Variants in FHIP2B observed in about 807,000 individuals in gnomAD.
FHIP2B encodes FHF complex subunit HOOK-interacting protein 2B.
Under a neutral mutation model 84.0 loss-of-function variants are expected in FHIP2B, and 72 were observed. That is an observed-to-expected ratio of 0.86 (90% CI 0.71 to 1.04). The LOEUF (loss-of-function observed/expected upper bound fraction) is 1.04. FHIP2B is among the 50% of genes least tolerant of loss of function. The probability of loss-of-function intolerance (pLI) is 0.00; values close to 1 mark genes in which losing one functional copy is unlikely to be tolerated. For missense variants in FHIP2B, 972 were observed against 968.9 expected, an observed-to-expected ratio of 1.00 and a Z score of -0.04; for synonymous variants, 497 against 418.7, an observed-to-expected ratio of 1.19 and a Z score of -2.28.
At position 22,089,219 on chromosome 8, in the gene FHIP2B, C is replaced by G. The variant is rs1040004723; in HGVS notation, c.-35C>G. 1 of 1,058,624 alleles carries G rather than the reference C, an allele frequency of 9.4e-7. No individual in the cohort carries two copies. Among genetic ancestry groups the G allele is most frequent in the Non-Finnish European group, 1.1e-6 (1 of 878,152 alleles). The allele number at this position is 1,058,624 out of a possible 1,614,324, so 65.6% of individuals were successfully genotyped here. A position where few individuals can be genotyped will look rare whatever the true frequency, so the allele number is the denominator to read the frequency against. On this transcript the variant is annotated 5_prime_UTR_variant, in exon 1 of 17. Transcript: ENST00000289921. ...CCTCCGCCTAGAGCGCTGCCGCCGC[C>G]GCTTTCGCCCGGGAGCCGGGGGCCG...
intron 14 of FHIP2B, 51 bp downstream of exon 14, chr8:22,101,902 C>T: frequency 1.3e-6 from 2 of 1,591,844 alleles, no homozygotes; most frequent in Non-Finnish European, 1.7e-6. Context: ...CCTCTGGGGT[C>T]CTTCAAGAGC....
At chr8:22,090,879 A>T (rs1399227515) in intron 1 of FHIP2B, among the ~76,000 whole-genome samples, 4 of 152,082 alleles carry the variant, frequency 2.6e-5, no homozygotes, top group Non-Finnish European at 5.9e-5. Context: ...TAGCCTCCCA[A>T]AGTGGTGGGA....
At position 22,104,425 on chromosome 8, in the gene FHIP2B, G is replaced by A. The variant is rs1270270983; in HGVS notation, c.*1494G>A. ...GCCAAGTTTCCCCACCTTCTGCCCA[G>A]GACTCCACTGCTAATTCGGGCCCAT... On this transcript the variant is annotated 3_prime_UTR_variant, in exon 17 of 17. Transcript: ENST00000289921. 2.6e-5 allele frequency: 4 copies of A among 152,524 alleles called. No homozygotes were observed. Among genetic ancestry groups the A allele is most frequent in the Non-Finnish European group, 5.9e-5 (4 of 68,042 alleles). The allele number at this position is 152,524 out of a possible 1,614,324, so 9.4% of individuals were successfully genotyped here.
At position 22,099,841 on chromosome 8, in the gene FHIP2B, C is replaced by G. The variant is rs775285326; in HGVS notation, c.1289C>G (p.Pro430Arg). The change falls in exon 10 of 17, where the codon CCC (proline) becomes CGC (arginine). Residue 430 changes from proline (P) to arginine (R), a missense_variant. Physicochemically the swap from Pro to Arg is moderately radical, Grantham distance 103. Coordinates refer to ENST00000289921, the MANE Select transcript of FHIP2B (RefSeq NM_022749.7). ...DRQPEAPGDN[P>R]HTLYAHLIGH... ...CAGCCTGAAGCCCCCGGGGACAACC[C>G]CCACACCCTGTATGCTCATCTCATC... The G allele has an allele frequency of 6.2e-7, 1 of 1,613,270 alleles. No homozygotes were observed.
Position 22,101,870 on chromosome 8 carries a change from C to T in FHIP2B, c.1851+19C>T. Reference sequence around the variant, plus strand: ...GGATCAGGTAGCTAGTGGGCCTGGGCCAGGAGAACTCCAGGCTGGTGCCTC... The same window carrying T: ...GGATCAGGTAGCTAGTGGGCCTGGGTCAGGAGAACTCCAGGCTGGTGCCTC... On this transcript the variant is annotated intron_variant, in intron 14 of 16. Transcript: ENST00000289921. 6 of 1,611,386 alleles carry T rather than the reference C, an allele frequency of 3.7e-6. No homozygotes were observed. Among genetic ancestry groups the T allele is most frequent in the Non-Finnish European group, 4.2e-6 (5 of 1,179,000 alleles).
At chr8:22,100,811 C>T (rs1826065280) in intron 11 of FHIP2B, 33 bp from the exon 12 acceptor site, 1 of 1,613,492 alleles carries the variant, frequency 6.2e-7, no homozygotes, top group Middle Eastern at 1.7e-4. Context: ...TCCATTCATT[C>T]ACTGGTGCCG....
At chr8:22,099,172 C>A in intron 8 of FHIP2B, 112 bp from the exon 9 acceptor site, 1 of 1,514,840 alleles carries the variant, frequency 6.6e-7, no homozygotes, top group Non-Finnish European at 9.0e-7. Context: ...AAGCGGGGCC[C>A]CAGGCGGGCC....
chr8:22,090,132 GTGGGGGTATTCCCGGTAGGGT>G (rs1185462516), intron 1 of FHIP2B, among the ~76,000 whole-genome samples: 1 of 137,088 alleles, frequency 7.3e-6, no homozygotes, highest in African/African-American at 2.7e-5. Flanking sequence ...TGTAGGAAGG[GTGGGGGTATTCCCGGTAGGGT>G]GGGGGGGGTG....
intron 2 of FHIP2B, 153 bp downstream of exon 2, chr8:22,094,671 A>G: frequency 6.7e-7 from 1 of 1,484,480 alleles, no homozygotes; most frequent in Non-Finnish European, 8.9e-7. Flanking sequence ...CCAGACAGAC[A>G]GAAGACCCAG....
At chr8:22,100,068 T>G in intron 10 of FHIP2B, 175 bp downstream of exon 10, 1 of 561,678 alleles carries the variant, frequency 1.8e-6, no homozygotes, top group Non-Finnish European at 2.8e-6. Context: ...CATATACTTT[T>G]TTTTTTTTTT....
rs770829991 is a variant in FHIP2B at position 22,100,612 on chromosome 8, C to T, written c.1360C>T (p.Arg454Trp). ...LSDEISITTL[R>W]LFEELLQKPH... ...GCTCCAGATCAGCATCACCACACTCCGGCTGTTTGAGGAGCTGCTGCAGAA... is the reference window on the plus strand; with the variant it reads ...GCTCCAGATCAGCATCACCACACTCTGGCTGTTTGAGGAGCTGCTGCAGAA... The change falls in exon 11 of 17, where the codon CGG (arginine) becomes TGG (tryptophan). Residue 454 changes from arginine (R) to tryptophan (W), a missense_variant. By Grantham distance (101) the Arg-to-Trp change is moderately radical. Coordinates refer to ENST00000289921, the MANE Select transcript of FHIP2B (RefSeq NM_022749.7). 24 of 1,573,334 alleles carry T rather than the reference C, an allele frequency of 1.5e-5. No individual in the cohort carries two copies. Among genetic ancestry groups the T allele is most frequent in the South Asian group, 1.4e-4 (12 of 84,236 alleles).
rs768438810 is a variant in FHIP2B at position 22,097,800 on chromosome 8, G to T, written c.486G>T (p.Lys162Asn). 1 of 1,613,546 alleles carries T rather than the reference G, an allele frequency of 6.2e-7. No homozygotes were observed. The highest frequency in any genetic ancestry group is 1.1e-5 in the South Asian group (1 of 91,082). ...AGTTCACCACCGTCCTCTGCTCCAA[G>T]ATCCAGCAGGACCCAGAGCTGCTCG... Reference protein sequence around the residue: ...EVQFTTVLCSKIQQDPELLAY... With the variant: ...EVQFTTVLCSNIQQDPELLAY... Residue 162 changes from lysine (K) to asparagine (N), a missense_variant, in exon 5 of 17, where the codon AAG becomes AAT. Transcript: ENST00000289921.
rs1230809197 is a variant in FHIP2B at position 22,099,854 on chromosome 8, T to C, written c.1302T>C (p.Tyr434=). 1.2e-5 allele frequency: 20 copies of C among 1,612,708 alleles called. No homozygotes were observed. Among genetic ancestry groups the C allele is most frequent in the Non-Finnish European group, 1.7e-5 (20 of 1,179,470 alleles). The part of the protein sequence containing the change: ...EAPGDNPHTL[Y]AHLIGHCDHL... ...CCGGGGACAACCCCCACACCCTGTA[T>C]GCTCATCTCATCGGGCATTGTGACC... The change falls in exon 10 of 17, where the codon TAT becomes TAC. Residue 434 remains tyrosine (Y), a synonymous_variant. Coordinates refer to ENST00000289921, the MANE Select transcript of FHIP2B (RefSeq NM_022749.7).
intron 6 of FHIP2B, 51 bp downstream of exon 6, chr8:22,098,361 C>T (rs759424977): frequency 8.7e-5 from 131 of 1,511,674 alleles, no homozygotes; most frequent in East Asian, 3.7e-4. Flanking sequence ...GGTGGGTTGA[C>T]GGCTGGGGGG....
At chr8:22,102,133 C>T in intron 14 of FHIP2B, 42 bp from the exon 15 acceptor site, 1 of 1,612,634 alleles carries the variant, frequency 6.2e-7, no homozygotes, top group Admixed American at 1.7e-5. Context: ...AAATACTCAC[C>T]AGCCCTGCCA....
rs1359248014 is a variant in FHIP2B at position 22,103,060 on chromosome 8, G to A, written c.*129G>A. ...TCCCGGGCTCACTCAAGGAGACTGC[G>A]GCATGTTGACCACACCAGACTGGGT... is the stretch of plus-strand genomic sequence containing the variant. On this transcript the variant is annotated 3_prime_UTR_variant, in exon 17 of 17. Coordinates refer to ENST00000289921, the MANE Select transcript of FHIP2B (RefSeq NM_022749.7). The A allele has an allele frequency of 8.9e-6, 11 of 1,235,478 alleles. No homozygotes were observed. In the Admixed American group the frequency reaches 1.1e-4, roughly 12 times the overall value. 76.5% of individuals were successfully genotyped at this position (1,235,478 alleles called of 1,614,324 possible).
At chr8:22,095,221 T>G (rs1345093575) in intron 2 of FHIP2B, 1 of 152,308 alleles carries the variant, frequency 6.6e-6, no homozygotes, top group African/African-American at 2.4e-5. Context: ...ACAGGCTTTC[T>G]TTCCAGCCCG....
At chr8:22,089,943 C>G in intron 1 of FHIP2B, 1 of 903,250 alleles carries the variant, frequency 1.1e-6, no homozygotes, top group East Asian at 7.1e-5. Context: ...TGTGACCCCT[C>G]ACAAGCCAAA....
intron 10 of FHIP2B, 88 bp from the exon 11 acceptor site, chr8:22,100,506 T>C: frequency 7.4e-7 from 1 of 1,359,924 alleles, no homozygotes; most frequent in Non-Finnish European, 9.6e-7. Context: ...GCCTCAGAGG[T>C]CTTTTCTTAT....
Sources: gnomAD v4.1 joint callset for allele counts (sites outside exome capture counted in the v4.1 genomes callset) on GRCh38, gnomAD v4.1.1 for gene constraint, MANE v1.5 for transcripts, NCBI Gene and HGNC (gene_info 2026-07-23, HGNC 2026-07-21) for gene names.